Variants in NRXN3 observed in about 807,000 individuals in gnomAD.
NRXN3 encodes neurexin III.
Under a neutral mutation model 137.6 loss-of-function variants are expected in NRXN3, and 32 were observed. The ratio of observed to expected loss-of-function variants is 0.23; its 90% CI spans 0.18 to 0.31. The LOEUF is 0.31. Among genes scored for constraint, NRXN3 ranks in the 10% least tolerant of loss-of-function variants. The pLI, the probability that NRXN3 is intolerant of heterozygous loss-of-function variation, is 1.00. For missense variants in NRXN3, 1,574 were observed against 2,062.5 expected (o/e 0.76, Z 4.59); for synonymous variants, 798 against 784.5 (o/e 1.02, Z -0.29).
intron 19 of NRXN3, among the ~76,000 whole-genome samples, chr14:79,732,567 A>G (rs188969426): frequency 9.2e-4 from 140 of 152,336 alleles, no homozygotes; most frequent in African/African-American, 3.3e-3. Context: ...GGGAATTTAA[A>G]TCATCTAAGG....
chr14:79,297,790 G>A (rs1424413280), intron 15 of NRXN3, among the ~76,000 whole-genome samples: 1 of 152,102 alleles, frequency 6.6e-6, no homozygotes, highest in Admixed American at 6.5e-5. Flanking sequence ...CCAGCACTGC[G>A]AGGAAGAGGC....
At chr14:78,863,898 A>T (rs1346652307) in intron 10 of NRXN3, among the ~76,000 whole-genome samples, 1 of 152,184 alleles carries the variant, frequency 6.6e-6, no homozygotes, top group Non-Finnish European at 1.5e-5. Flanking sequence ...TTCTTCATTT[A>T]AAAAGTAGGA....
chr14:79,477,937 T>C (rs11845430), intron 16 of NRXN3, among the ~76,000 whole-genome samples: 6,623 of 151,966 alleles, frequency 0.044, 490 homozygotes, highest in African/African-American at 0.15. Context: ...AGGGGACAGA[T>C]AAGTAAAACA....
At chr14:79,598,332 C>G (rs1213030186) in intron 16 of NRXN3, among the ~76,000 whole-genome samples, 4 of 152,132 alleles carry the variant, frequency 2.6e-5, no homozygotes, top group Non-Finnish European at 1.5e-5. Context: ...CAAAGAACAT[C>G]TTAGTCTCAT....
At chr14:79,646,524 G>C (rs1391420090) in intron 16 of NRXN3, among the ~76,000 whole-genome samples, 1 of 135,734 alleles carries the variant, frequency 7.4e-6, no homozygotes, top group South Asian at 2.3e-4. Flanking sequence ...TGGTAGTTGC[G>C]AGCTGGTTAT....
At chr14:78,439,458 T>C (rs910997898) in intron 4 of NRXN3, among the ~76,000 whole-genome samples, 1 of 152,230 alleles carries the variant, frequency 6.6e-6, no homozygotes, top group South Asian at 2.1e-4. Flanking sequence ...TTGTCTTTTT[T>C]ATTCCTGAAA....
intron 10 of NRXN3, among the ~76,000 whole-genome samples, chr14:78,837,615 C>T (rs1402727155): frequency 6.6e-6 from 1 of 151,828 alleles, no homozygotes; most frequent in Non-Finnish European, 1.5e-5. Context: ...CTTGGTTGTT[C>T]CCTGCTCCCC....
intron 4 of NRXN3, among the ~76,000 whole-genome samples, chr14:78,339,925 A>C (rs2081965751): frequency 6.6e-6 from 1 of 152,178 alleles, no homozygotes; most frequent in South Asian, 2.1e-4. Context: ...GGGAGACAGA[A>C]AGAGAGATAT....
chr14:78,702,385 C>T (rs1230281184), intron 6 of NRXN3, among the ~76,000 whole-genome samples: 1 of 150,308 alleles, frequency 6.7e-6, no homozygotes, highest in Non-Finnish European at 1.5e-5. Flanking sequence ...TTGTTATAGC[C>T]CTGCCTCTTA....
chr14:79,146,135 T>C (rs1052827875), intron 15 of NRXN3, among the ~76,000 whole-genome samples: 3 of 152,194 alleles, frequency 2.0e-5, no homozygotes, highest in Admixed American at 1.3e-4. Context: ...CCTTGTTATG[T>C]AAGTCCCAAT....
intron 10 of NRXN3, among the ~76,000 whole-genome samples, chr14:78,893,168 T>C (rs2099164171): frequency 2.0e-5 from 3 of 151,960 alleles, no homozygotes; most frequent in Admixed American, 6.6e-5. Flanking sequence ...TATATTTCAA[T>C]CTATCCACAC....
intron 15 of NRXN3, among the ~76,000 whole-genome samples, chr14:79,323,216 AT>A: frequency 6.6e-6 from 1 of 152,124 alleles, no homozygotes; most frequent in African/African-American, 2.4e-5. Context: ...TTATATATTT[AT>A]TTTTAGTAGC....
intron 15 of NRXN3, among the ~76,000 whole-genome samples, chr14:79,464,785 T>C (rs1277437482): frequency 1.3e-5 from 2 of 152,196 alleles, no homozygotes; most frequent in East Asian, 1.9e-4. Flanking sequence ...GGCTGGAGAC[T>C]TGAAAGTGGT....
intron 15 of NRXN3, among the ~76,000 whole-genome samples, chr14:79,123,188 A>G (rs928278958): frequency 6.6e-6 from 1 of 151,972 alleles, no homozygotes; most frequent in Non-Finnish European, 1.5e-5. Flanking sequence ...TGGAGCTACA[A>G]TGAAATGATT....
chr14:78,880,578 G>C (rs1010187217), intron 10 of NRXN3, among the ~76,000 whole-genome samples: 2 of 152,232 alleles, frequency 1.3e-5, no homozygotes, highest in African/African-American at 2.4e-5. Context: ...ATTTGATGCA[G>C]TCCAGAAAGA....
intron 16 of NRXN3, among the ~76,000 whole-genome samples, chr14:79,651,930 G>T (rs1480065479): frequency 4.6e-5 from 7 of 152,160 alleles, no homozygotes; most frequent in Admixed American, 1.3e-4. Context: ...TCCATAGTTT[G>T]TTTTGAGTCA....
intron 10 of NRXN3, among the ~76,000 whole-genome samples, chr14:78,936,636 A>G (rs139468203): frequency 5.9e-5 from 9 of 152,314 alleles, no homozygotes; most frequent in African/African-American, 9.6e-5. Flanking sequence ...ATATATCAAA[A>G]CTTATAAAAT....
intron 14 of NRXN3, among the ~76,000 whole-genome samples, chr14:78,971,657 C>T (rs554069271): frequency 2.8e-4 from 43 of 152,102 alleles, no homozygotes; most frequent in South Asian, 1.7e-3. Flanking sequence ...GTGAGTGAGA[C>T]GGAGTTTCGC....
At chr14:78,676,987 A>G (rs1266416320) in intron 6 of NRXN3, among the ~76,000 whole-genome samples, 1 of 152,152 alleles carries the variant, frequency 6.6e-6, no homozygotes, top group East Asian at 1.9e-4. Context: ...TCAGAAAACA[A>G]AGTATTTTAT....
Sources: allele counts gnomAD v4.1 joint callset (sites outside exome capture counted in the v4.1 genomes callset), GRCh38; gene constraint gnomAD v4.1.1; transcripts MANE v1.5; gene names NCBI Gene and HGNC (gene_info 2026-07-23, HGNC 2026-07-21).